PPP1R10: variants seen among roughly 807,000 people sequenced by gnomAD.
PPP1R10 encodes the protein protein phosphatase 1 regulatory subunit 10, also known as serine/threonine-protein phosphatase 1 regulatory subunit 10.
A neutral mutation model predicts 99.0 loss-of-function variants in PPP1R10; 15 were observed. That is an observed-to-expected ratio of 0.15 (90% CI 0.10 to 0.23). The LOEUF (loss-of-function observed/expected upper bound fraction) is 0.23. Ranked by LOEUF, PPP1R10 falls within the 10% of genes least tolerant of loss-of-function variation. The pLI, the probability that PPP1R10 is intolerant of heterozygous loss-of-function variation, is 1.00. For synonymous variants in PPP1R10, 430 were observed against 449.5 expected (o/e 0.96, Z 0.55); for missense variants, 947 against 1,259.4 (o/e 0.75, Z 3.75).
Position 30,603,676 on chromosome 6 carries a change from G to C in PPP1R10, c.1573-10C>G, listed in dbSNP as rs762106679. 3.8e-6 allele frequency: 6 copies of C among 1,569,024 alleles called. No homozygotes were observed. Among genetic ancestry groups the C allele is most frequent in the Middle Eastern group, 1.7e-4 (1 of 5,832 alleles). On this transcript the variant is annotated splice_polypyrimidine_tract_variant and intron_variant, in intron 15 of 19. Transcript: ENST00000376511. Reference sequence around the variant, plus strand: ...CATCCATGGAACACTCCTGAAAGAAGAACAAAAAAAATCAGGATTGACAGA... The same window carrying C: ...CATCCATGGAACACTCCTGAAAGAACAACAAAAAAAATCAGGATTGACAGA...
chr6:30,602,078 A>G lies in PPP1R10; in HGVS notation c.2571T>C (p.His857=). ...PHEGPGHGGP[H]GHRPHDVPGH... The stretch of plus-strand genomic sequence containing the variant: ...CAGGGACATCATGAGGCCGGTGGCC[A>G]TGGGGCCCCCCGTGTCCAGGGCCTT... The change falls in exon 19 of 20, where the codon CAT becomes CAC. Residue 857 remains histidine (H), a synonymous_variant. Coordinates refer to ENST00000376511, the MANE Select transcript of PPP1R10 (RefSeq NM_002714.4). This position sits in a 1 kb window ranked among gnomAD's most constrained non-coding sequence, Gnocchi z 6.7. 1 of 1,576,338 alleles carries G rather than the reference A, an allele frequency of 6.3e-7. No homozygotes were observed. Among genetic ancestry groups the G allele is most frequent in the Non-Finnish European group, 8.6e-7 (1 of 1,158,210 alleles).
intron 2 of PPP1R10, among the ~76,000 whole-genome samples, chr6:30,612,870 T>C (rs1403878027): frequency 6.6e-6 from 1 of 152,182 alleles, no homozygotes; most frequent in African/African-American, 2.4e-5. Flanking sequence ...CGTGACTAAG[T>C]GTTGTAACAT....
Position 30,607,822 on chromosome 6 carries a change from G to A in PPP1R10, c.382+18C>T. ...GTAATAGAGAAAAGCCCATGAGAGA[G>A]CAGAAGTGGCACCCTACCTTCATCC... is the stretch of plus-strand genomic sequence containing the variant. On this transcript the variant is annotated intron_variant, in intron 6 of 19. Transcript: ENST00000376511. 1 of 1,608,930 alleles carries A rather than the reference G, an allele frequency of 6.2e-7. No homozygotes were observed. The highest frequency in any genetic ancestry group is 8.5e-7 in the Non-Finnish European group (1 of 1,176,290).
Position 30,608,879 on chromosome 6 carries a change from T to C in PPP1R10, c.230A>G (p.Asn77Ser). The stretch of plus-strand genomic sequence containing the variant: ...GGTTGTCTTTGAATACGTCAGCCAA[T>C]TGTTAAGAAGTTTGTAGCCGCCAAC... ...IDVGGYKLLN[N>S]WLTYSKTTNN... Residue 77 changes from asparagine to serine, a missense_variant, in exon 5 of 20, where the codon AAT becomes AGT. By Grantham distance (46) the Asn-to-Ser change is conservative. Around this residue, in one of 10 missense-constraint regions of PPP1R10, gnomAD observed 82 missense variants for 117.3 expected, o/e 0.70. Coordinates refer to ENST00000376511, the MANE Select transcript of PPP1R10 (RefSeq NM_002714.4). 6.2e-7 allele frequency: 1 copy of C among 1,614,088 alleles called. No homozygotes were observed. Among genetic ancestry groups the C allele is most frequent in the Non-Finnish European group, 8.5e-7 (1 of 1,180,006 alleles).
At chr6:30,615,337 AAAG>A (rs1760357199) in intron 2 of PPP1R10, among the ~76,000 whole-genome samples, 1 of 152,006 alleles carries the variant, frequency 6.6e-6, no homozygotes, top group South Asian at 2.1e-4. Flanking sequence ...AAAATATTAA[AAAG>A]AACAATTTTC....
Position 30,602,133 on chromosome 6 carries a change from A to G in PPP1R10, c.2516T>C (p.Met839Thr), listed in dbSNP as rs1462801926. ...HRPHEGPGGS[M>T]GGSGGHRPHE... is the part of the protein sequence containing the mutation. ...GGGACGATGTCCACCACTTCCACCC[A>G]TGCTTCCGCCAGGGCCTTCGTGGGG... Residue 839 changes from methionine (M) to threonine (T), a missense_variant, in exon 19 of 20, where the codon ATG becomes ACG. Met to Thr is a moderately conservative substitution (Grantham distance 81, BLOSUM62 -1). Coordinates refer to ENST00000376511, the MANE Select transcript of PPP1R10 (RefSeq NM_002714.4). This position sits in a 1 kb window ranked among gnomAD's most constrained non-coding sequence, Gnocchi z 6.7. The G allele has an allele frequency of 1.2e-6, 2 of 1,609,522 alleles. No homozygotes were observed. Among genetic ancestry groups the G allele is most frequent in the South Asian group, 1.1e-5 (1 of 90,664 alleles).
chr6:30,607,854 G>A lies in PPP1R10; in HGVS notation c.368C>T (p.Ser123Leu). 3 of 1,613,064 alleles carry A rather than the reference G, an allele frequency of 1.9e-6. No individual in the cohort carries two copies. The highest frequency in any genetic ancestry group is 2.5e-6 in the Non-Finnish European group (3 of 1,179,992). The change falls in exon 6 of 20, where the codon TCA becomes TTA. Residue 123 changes from serine (S) to leucine (L), a missense_variant. Transcript: ENST00000376511. ...TAKLVKQLSK[S>L]SEDEELRKLA... ...TGGCACCCTACCTTCATCCTCACTT[G>A]ACTTGCTCAGCTGCTTCACCAGTTT...
chr6:30,603,275 T>C lies in PPP1R10; in HGVS notation c.1778A>G (p.Asn593Ser). 1 of 1,613,168 alleles carries C rather than the reference T, an allele frequency of 6.2e-7. No individual in the cohort carries two copies. The highest frequency in any genetic ancestry group is 8.5e-7 in the Non-Finnish European group (1 of 1,179,164). ...EILTSIMGSP[N>S]SHPSEELLKQ... ...CAGTAGTTCCTCTGAAGGATGACTGTTTGGGCTACCCTGTGAGGATGTAAG... is the reference window on the plus strand; with the variant it reads ...CAGTAGTTCCTCTGAAGGATGACTGCTTGGGCTACCCTGTGAGGATGTAAG... Residue 593 changes from asparagine (N) to serine (S), a missense_variant, in exon 17 of 20, where the codon AAC (asparagine) becomes AGC (serine). Coordinates refer to ENST00000376511, the MANE Select transcript of PPP1R10 (RefSeq NM_002714.4).
At chr6:30,615,680 A>G (rs1380287954) in intron 2 of PPP1R10, among the ~76,000 whole-genome samples, 1 of 152,150 alleles carries the variant, frequency 6.6e-6, no homozygotes, top group East Asian at 1.9e-4. Context: ...TCCACCCTCT[A>G]TTTAACTGTA....
In PPP1R10 at chr6:30,606,454, G is replaced by A. The variant is rs755540817; in HGVS notation, c.634+14C>T. ...ATGCCCATGAACCCTCCAGAGGCCAGCCGCCAGTCTTACCAGTGGAACGGA... is the reference window on the plus strand; with the variant it reads ...ATGCCCATGAACCCTCCAGAGGCCAACCGCCAGTCTTACCAGTGGAACGGA... On this transcript the variant is annotated intron_variant, in intron 8 of 19. Coordinates refer to ENST00000376511, the MANE Select transcript of PPP1R10 (RefSeq NM_002714.4). This position sits in a 1 kb window ranked among gnomAD's most constrained non-coding sequence, Gnocchi z 6.3. The A allele has an allele frequency of 5.6e-6, 9 of 1,612,040 alleles. No homozygotes were observed. In the Admixed American group the frequency reaches 1.2e-4, roughly 21 times the overall value.
chr6:30,611,745 G>C (rs1038769615), intron 2 of PPP1R10, among the ~76,000 whole-genome samples: 1 of 152,164 alleles, frequency 6.6e-6, no homozygotes, highest in Non-Finnish European at 1.5e-5. Context: ...CCTGTGGGCT[G>C]AACAGAGGGA....
At chr6:30,613,350 A>G (rs1230781280) in intron 2 of PPP1R10, among the ~76,000 whole-genome samples, 1 of 152,230 alleles carries the variant, frequency 6.6e-6, no homozygotes, top group East Asian at 1.9e-4. Context: ...AAAGGAGAAA[A>G]AAGTCCCAAA....
rs1452317517 is a variant in PPP1R10, at chr6:30,607,892, CTA to C, written c.331-3_331-2del. On this transcript the variant is annotated splice_acceptor_variant and splice_polypyrimidine_tract_variant and intron_variant, in intron 5 of 19. Transcript: ENST00000376511. LOFTEE classifies it high-confidence loss of function. ...GCTTCACCAGTTTAGCTGTGTTGTT[CTA>C]TGAGAGATGGGAGCAGCAGAAAGGT... is the stretch of plus-strand genomic sequence containing the variant. The C allele has an allele frequency of 2.5e-6, 4 of 1,612,896 alleles. No homozygotes were observed. The Admixed American group carries it at 6.7e-5, about 27-fold the overall frequency.
At chr6:30,616,121 ACTG>A (rs1416939511) in intron 2 of PPP1R10, among the ~76,000 whole-genome samples, 3 of 152,194 alleles carry the variant, frequency 2.0e-5, no homozygotes, top group African/African-American at 7.2e-5. Context: ...CCTTTTGAAG[ACTG>A]CTGCTAACCA....
intron 6 of PPP1R10, 113 bp downstream of exon 6, chr6:30,607,727 G>T: frequency 8.6e-7 from 1 of 1,165,632 alleles, no homozygotes; most frequent in Non-Finnish European, 1.3e-6. Context: ...AAAAAGCAAG[G>T]TGAGGTAGAA....
chr6:30,607,447 G>A (rs544822781), intron 6 of PPP1R10, among the ~76,000 whole-genome samples: 96 of 152,228 alleles, frequency 6.3e-4, no homozygotes, highest in Non-Finnish European at 9.7e-4. Context: ...CTGATCTATG[G>A]CACCTCTCTT....
Position 30,603,460 on chromosome 6 carries a change from G to C in PPP1R10, c.1767+12C>G. 2 of 1,603,050 alleles carry C rather than the reference G, an allele frequency of 1.2e-6. No individual in the cohort carries two copies. Among genetic ancestry groups the C allele is most frequent in the Non-Finnish European group, 8.5e-7 (1 of 1,173,110 alleles). ...TCCACAGAAGGTGGAAAAGGGGAAG[G>C]AGGGTGCGTACCATGATGGAGGTGA... On this transcript the variant is annotated intron_variant, in intron 16 of 19. Transcript: ENST00000376511.
Position 30,606,846 on chromosome 6 carries a change from T to C in PPP1R10, c.393A>G (p.Lys131=), listed in dbSNP as rs1242486565. ...SKSSEDEELR[K]LASVLVSDWM... ...AGTCGCTGACAAGGACTGAGGCCAA[T>C]TTCCGGAGCTCTGCAGGTGACAGAA... Residue 131 remains lysine (K), a synonymous_variant, in exon 7 of 20, where the codon AAA becomes AAG. Transcript: ENST00000376511. The surrounding 1 kb of genome is among the most constrained non-coding windows in gnomAD (Gnocchi z 6.3). The C allele has an allele frequency of 1.2e-6, 2 of 1,613,710 alleles. No homozygotes were observed. The highest frequency in any genetic ancestry group is 2.2e-5 in the South Asian group (2 of 91,080).
rs769626369 is a variant in PPP1R10 at position 30,606,517 on chromosome 6, G to T, written c.585C>A (p.Pro195=). ...TGGGTGCTGTGGTGCGAAGAGACTT[G>T]GGCTTCTCCCTCTTCTTCTCTGGGG... ...EEAPEKKREK[P]KSLRTTAPSH... Residue 195 remains proline, a synonymous_variant, in exon 8 of 20, where the codon CCC becomes CCA. Coordinates refer to ENST00000376511, the MANE Select transcript of PPP1R10 (RefSeq NM_002714.4). The surrounding 1 kb of genome is among the most constrained non-coding windows in gnomAD (Gnocchi z 6.3). The T allele has an allele frequency of 2.5e-6, 4 of 1,613,680 alleles. No homozygotes were observed. In the African/African-American group the frequency reaches 5.3e-5, roughly 22 times the overall value.
Sources: gnomAD v4.1 joint callset for allele counts (sites outside exome capture counted in the v4.1 genomes callset) on GRCh38, gnomAD v4.1.1 for gene constraint, gnomAD v4.1.1 regional missense constraint, Gnocchi (gnomAD v3.1) non-coding constraint, MANE v1.5 for transcripts, NCBI Gene and HGNC (gene_info 2026-07-23, HGNC 2026-07-21) for gene names.